CTNNA3: variants seen among roughly 807,000 people sequenced by gnomAD.
CTNNA3 encodes the protein catenin alpha-3.
CTNNA3 carries 76 observed loss-of-function variants against 95.7 expected under a neutral mutation model. The observed-to-expected ratio is 0.79, with a 90% CI of 0.66 to 0.96. The LOEUF (loss-of-function observed/expected upper bound fraction) is 0.96. Among genes scored for constraint, CTNNA3 ranks in the 40% least tolerant of loss-of-function variants. The pLI, the probability that CTNNA3 is intolerant of heterozygous loss-of-function variation, is 0.00. For missense variants in CTNNA3, 1,191 were observed against 1,089.8 expected (o/e 1.09, Z -1.31); for synonymous variants, 431 against 374.4 (o/e 1.15, Z -1.74).
rs566417170 is a variant in CTNNA3 at position 66,636,188 on chromosome 10, T to G, written c.1282-14404A>C. 9.2e-5 allele frequency among the ~76,000 whole-genome samples: 14 copies of G among 152,244 alleles called. No homozygotes were observed. In the South Asian group the frequency reaches 2.7e-3, roughly 29 times the overall value. On this transcript the variant is annotated intron_variant, in intron 9 of 17. Coordinates refer to ENST00000433211, the MANE Select transcript of CTNNA3 (RefSeq NM_013266.4). The stretch of plus-strand genomic sequence containing the variant: ...TCAGGAGGGCTCCTTGAATGTGTTC[T>G]GCATTTAATTATATGATAAAAATGA...
intron 5 of CTNNA3, among the ~76,000 whole-genome samples, chr10:67,517,583 A>C (rs564035204): frequency 6.6e-6 from 1 of 152,282 alleles, no homozygotes; most frequent in African/African-American, 2.4e-5. Flanking sequence ...ACAATACCTG[A>C]AGCATAAGGG....
chr10:67,484,011 G>T (rs1848350746), intron 5 of CTNNA3, among the ~76,000 whole-genome samples: 1 of 152,098 alleles, frequency 6.6e-6, no homozygotes, highest in African/African-American at 2.4e-5. Flanking sequence ...AAAAGAATTT[G>T]AATAGGCAAA....
In CTNNA3 at chr10:67,239,484, T is replaced by G. The variant is rs186220678; in HGVS notation, c.580-19614A>C. On this transcript the variant is annotated intron_variant, in intron 5 of 17. Coordinates refer to ENST00000433211, the MANE Select transcript of CTNNA3 (RefSeq NM_013266.4). Reference sequence around the variant, plus strand: ...AAAAATCAAAATAGTGGTTATTCTTTGGGGGGTGATTAGAGACTAAACAGG... The same window carrying G: ...AAAAATCAAAATAGTGGTTATTCTTGGGGGGGTGATTAGAGACTAAACAGG... Among the ~76,000 whole-genome samples, 1,240 of 152,212 alleles carry G rather than the reference T, an allele frequency of 8.1e-3. 12 individuals carry two copies. The highest frequency in any genetic ancestry group is 0.024 in the African/African-American group (984 of 41,544).
chr10:66,006,065 A>T (rs1414304532), intron 15 of CTNNA3, among the ~76,000 whole-genome samples: 11 of 134,956 alleles, frequency 8.2e-5, no homozygotes, highest in East Asian at 6.4e-4. Flanking sequence ...CAGGCTGGAG[A>T]GCAGTGGCAC....
At chr10:66,943,001 C>G (rs1169021272) in intron 7 of CTNNA3, among the ~76,000 whole-genome samples, 1 of 152,092 alleles carries the variant, frequency 6.6e-6, no homozygotes, top group African/African-American at 2.4e-5. Context: ...CCAGGGCAAA[C>G]AAAATAGCTT....
At chr10:66,234,606 CATG>C (rs1214013606) in intron 13 of CTNNA3, among the ~76,000 whole-genome samples, 2 of 152,168 alleles carry the variant, frequency 1.3e-5, no homozygotes, top group Admixed American at 1.3e-4. Flanking sequence ...AGACTGACAA[CATG>C]AAGTAGGAAA....
chr10:66,974,355 T>C (rs1849901688), intron 7 of CTNNA3, among the ~76,000 whole-genome samples: 1 of 152,198 alleles, frequency 6.6e-6, no homozygotes, highest in South Asian at 2.1e-4. Flanking sequence ...TGCTGAGTAA[T>C]ACTCCCCTGT....
At chr10:67,763,465 C>T (rs1841473209) in exon 1 of CTNNA3, among the ~76,000 whole-genome samples, 1 of 152,172 alleles carries the variant, frequency 6.6e-6, no homozygotes, top group African/African-American at 2.4e-5. Flanking sequence ...ATAGAGGCTT[C>T]CAAAGGTCGA....
intron 13 of CTNNA3, among the ~76,000 whole-genome samples, chr10:66,178,372 C>T (rs1196962649): frequency 7.8e-6 from 1 of 128,740 alleles, no homozygotes; most frequent in African/African-American, 2.8e-5. Flanking sequence ...TTATTAAGTA[C>T]AACATACAAC....
chr10:66,192,597 A>T (rs1219666825), intron 13 of CTNNA3, among the ~76,000 whole-genome samples: 1 of 152,178 alleles, frequency 6.6e-6, no homozygotes, highest in Non-Finnish European at 1.5e-5. Context: ...AACATGTGTT[A>T]CAAAAACCTT....
chr10:67,751,213 C>G lies in CTNNA3; in HGVS notation c.-2+12221G>C, dbSNP rs988313813. 13 of 1,282,176 alleles carry G rather than the reference C, an allele frequency of 1.0e-5. No individual in the cohort carries two copies. In the East Asian group the frequency reaches 2.8e-4, roughly 28 times the overall value. The allele number at this position is 1,282,176 out of a possible 1,614,324, so 79.4% of individuals were successfully genotyped here. Reference sequence around the variant, plus strand: ...CAATCCTCTCATTTGGAGGACTATCCCTTCGATGCAGAATATTGAGGTTGA... The same window carrying G: ...CAATCCTCTCATTTGGAGGACTATCGCTTCGATGCAGAATATTGAGGTTGA... On this transcript the variant is annotated intron_variant, in intron 1 of 17. Transcript: ENST00000684154.
At position 65,915,728 on chromosome 10, in the gene CTNNA3, C is replaced by A. The variant is rs1294828557; in HGVS notation, c.*4602G>T. On this transcript the variant is annotated 3_prime_UTR_variant, in exon 18 of 18. Transcript: ENST00000433211. ...CAGCTCTCTCAATTAACATTACTTT[C>A]TTTTAGAGTGTCCAGAAATGGATTC... 6.6e-6 allele frequency: 1 copy of A among 152,156 alleles called. No homozygotes were observed. The highest frequency in any genetic ancestry group is 1.5e-5 in the Non-Finnish European group (1 of 68,032). 9.4% of individuals were successfully genotyped at this position (152,156 alleles called of 1,614,324 possible).
At chr10:66,658,552 G>A (rs1846147670) in intron 9 of CTNNA3, among the ~76,000 whole-genome samples, 3 of 152,124 alleles carry the variant, frequency 2.0e-5, no homozygotes, top group Admixed American at 2.0e-4. Flanking sequence ...TTTTGACAAA[G>A]CCAATGAGTG....
chr10:67,511,825 T>A (rs1427543021), intron 5 of CTNNA3, among the ~76,000 whole-genome samples: 1 of 152,188 alleles, frequency 6.6e-6, no homozygotes, highest in East Asian at 1.9e-4. Context: ...TGTCTGATCC[T>A]GGACTTTTTT....
chr10:67,134,134 A>G (rs968422669), intron 7 of CTNNA3, among the ~76,000 whole-genome samples: 3 of 152,118 alleles, frequency 2.0e-5, no homozygotes, highest in Non-Finnish European at 4.4e-5. Flanking sequence ...TAACACACCA[A>G]CTGCTCAATG....
chr10:66,245,481 G>A (rs761424723), intron 13 of CTNNA3, among the ~76,000 whole-genome samples: 116 of 152,192 alleles, frequency 7.6e-4, no homozygotes, highest in Non-Finnish European at 1.1e-3. Flanking sequence ...CCAAGTTCTT[G>A]TCCTGCAACA....
chr10:67,001,006 G>A (rs1004921521), intron 7 of CTNNA3, among the ~76,000 whole-genome samples: 3 of 152,064 alleles, frequency 2.0e-5, no homozygotes, highest in South Asian at 4.1e-4. Flanking sequence ...AAGAAAGGAC[G>A]ATAAAAATTA....
intron 12 of CTNNA3, among the ~76,000 whole-genome samples, chr10:66,340,858 A>T (rs2092447446): frequency 6.6e-6 from 1 of 151,898 alleles, no homozygotes; most frequent in Non-Finnish European, 1.5e-5. Flanking sequence ...TATTTTAGGT[A>T]TAATTTGAAC....
At chr10:67,640,682 G>A (rs145325094) in intron 2 of CTNNA3, among the ~76,000 whole-genome samples, 5,395 of 152,134 alleles carry the variant, frequency 0.035, 96 homozygotes, top group Middle Eastern at 0.078. Flanking sequence ...ACAGAACAGA[G>A]CCCTCAGAAA....
Sources: allele counts gnomAD v4.1 joint callset (sites outside exome capture counted in the v4.1 genomes callset), GRCh38; gene constraint gnomAD v4.1.1; transcripts MANE v1.5; gene names NCBI Gene and HGNC (gene_info 2026-07-23, HGNC 2026-07-21).